HGF: variants seen among roughly 807,000 people sequenced by gnomAD.
HGF encodes fibroblast-derived tumor cytotoxic factor.
In HGF, 39 loss-of-function variants were observed where a neutral mutation model predicts 111.6. That is an observed-to-expected ratio of 0.35 (90% confidence interval 0.27 to 0.46). HGF has a LOEUF of 0.46. HGF is among the 20% of genes least tolerant of loss of function. HGF has a pLI of 1.00. For synonymous variants in HGF, 285 were observed against 294.8 expected (o/e 0.97, Z 0.34); for missense variants, 735 against 910.5 (o/e 0.81, Z 2.48).
chr7:81,744,859 G>A, intron 6 of HGF, 141 bp downstream of exon 6: 2 of 964,238 alleles, frequency 2.1e-6, no homozygotes, highest in South Asian at 1.5e-5. Flanking sequence ...AAGAACTCCT[G>A]AACATTCTGG....
chr7:81,748,887 A>T (rs933739093), intron 5 of HGF, among the ~76,000 whole-genome samples: 18 of 152,192 alleles, frequency 1.2e-4, no homozygotes, highest in African/African-American at 3.4e-4. Flanking sequence ...AACTTTAAAA[A>T]TGTGTTTCAT....
intron 7 of HGF, chr7:81,736,804 A>G: frequency 2.2e-6 from 1 of 454,212 alleles, no homozygotes; most frequent in South Asian, 1.6e-5. Context: ...AAGGTTAGAA[A>G]TATAGATAGG....
In HGF at chr7:81,702,481, C is replaced by T. The variant is rs1789307169; in HGVS notation, c.*100G>A. On this transcript the variant is annotated 3_prime_UTR_variant, in exon 18 of 18. Coordinates refer to ENST00000222390, the MANE Select transcript of HGF (RefSeq NM_000601.6). ...ACAAACATGACTCTCCAGTAGTTGT[C>T]TTAGGATTGTTGTAAGTGACATTTT... is the stretch of plus-strand genomic sequence containing the variant. 5.2e-6 allele frequency: 5 copies of T among 966,140 alleles called. No individual in the cohort carries two copies. Among genetic ancestry groups the T allele is most frequent in the East Asian group, 2.4e-5 (1 of 41,330 alleles). 59.8% of individuals were successfully genotyped at this position (966,140 alleles called of 1,614,324 possible). A position where few individuals can be genotyped will look rare whatever the true frequency, so the allele number is the denominator to read the frequency against.
chr7:81,739,315 G>A (rs990086001), intron 7 of HGF, among the ~76,000 whole-genome samples: 1 of 151,804 alleles, frequency 6.6e-6, no homozygotes, highest in Non-Finnish European at 1.5e-5. Context: ...ATTTTGTGTT[G>A]AATAGTCTTT....
chr7:81,730,926 T>C (rs1787633748), intron 7 of HGF, among the ~76,000 whole-genome samples: 1 of 152,228 alleles, frequency 6.6e-6, no homozygotes, highest in Non-Finnish European at 1.5e-5. Context: ...TGGAATTGGA[T>C]GTACCACTGT....
Position 81,717,238 on chromosome 7 carries a change from A to T in HGF, c.1399T>A (p.Ser467Thr). ...PLIPWDYCPI[S>T]RCEGDTTPTI... Reference sequence around the variant, plus strand: ...AATCCCTAACTGTACTTACAACGAGAAATAGGGCAATAATCCCAAGGAATG... The same window carrying T: ...AATCCCTAACTGTACTTACAACGAGTAATAGGGCAATAATCCCAAGGAATG... Residue 467 changes from serine to threonine, a missense_variant, in exon 11 of 18, where the codon TCT becomes ACT. Around this residue, in one of 3 missense-constraint regions of HGF, gnomAD observed 553 missense variants for 685.6 expected, o/e 0.81. Transcript: ENST00000222390. 6.2e-7 allele frequency: 1 copy of T among 1,613,564 alleles called. No individual in the cohort carries two copies. Among genetic ancestry groups the T allele is most frequent in the Non-Finnish European group, 8.5e-7 (1 of 1,179,556 alleles).
intron 6 of HGF, among the ~76,000 whole-genome samples, chr7:81,744,681 T>C (rs1270936887): frequency 6.6e-6 from 1 of 152,184 alleles, no homozygotes; most frequent in East Asian, 1.9e-4. Context: ...AGAAGCTTCT[T>C]TTTGTGCTTC....
intron 13 of HGF, among the ~76,000 whole-genome samples, chr7:81,709,729 A>G (rs767962079): frequency 6.6e-6 from 1 of 152,198 alleles, no homozygotes; most frequent in Non-Finnish European, 1.5e-5. Context: ...GTCAGAAATT[A>G]AAAACAAATA....
intron 7 of HGF, among the ~76,000 whole-genome samples, chr7:81,736,492 T>C (rs1453542848): frequency 6.6e-6 from 1 of 152,066 alleles, no homozygotes; most frequent in African/African-American, 2.4e-5. Context: ...TTGTTGTTAA[T>C]CTCTTATTGT....
chr7:81,730,527 A>C (rs974277194), intron 7 of HGF, among the ~76,000 whole-genome samples: 1 of 152,200 alleles, frequency 6.6e-6, no homozygotes, highest in Non-Finnish European at 1.5e-5. Flanking sequence ...TCTTGTTGAC[A>C]ATAAAGAAAA....
At chr7:81,755,740 A>G in intron 4 of HGF, 1 of 429,106 alleles carries the variant, frequency 2.3e-6, no homozygotes, top group South Asian at 3.4e-5. Context: ...AGAGGACAAA[A>G]CCAATTATAA....
Position 81,718,875 on chromosome 7 carries a change from C to T in HGF, c.1272-1510G>A, listed in dbSNP as rs181671001. Among the ~76,000 whole-genome samples, 321 of 152,276 alleles carry T rather than the reference C, an allele frequency of 2.1e-3. 1 individual carries two copies. The highest frequency in any genetic ancestry group is 7.4e-3 in the African/African-American group (309 of 41,566). Reference sequence around the variant, plus strand: ...ACAAGTCCATAAGAGCAATCCACCCCACCCACCACTGCATGTTTCTAAAAA... The same window carrying T: ...ACAAGTCCATAAGAGCAATCCACCCTACCCACCACTGCATGTTTCTAAAAA... On this transcript the variant is annotated intron_variant, in intron 10 of 17. Transcript: ENST00000222390.
chr7:81,722,591 T>C (rs1789892856), intron 9 of HGF, among the ~76,000 whole-genome samples: 2 of 150,944 alleles, frequency 1.3e-5, no homozygotes, highest in South Asian at 4.2e-4. Context: ...GGCAGGTGGA[T>C]CACTTGAGGT....
At chr7:81,760,033 C>A (rs186113059) in intron 2 of HGF, among the ~76,000 whole-genome samples, 47 of 152,270 alleles carry the variant, frequency 3.1e-4, no homozygotes, top group African/African-American at 1.1e-3. Flanking sequence ...TTCACTCTTT[C>A]TCTCGTTCCA....
At chr7:81,719,435 C>T (rs1157795185) in intron 10 of HGF, among the ~76,000 whole-genome samples, 2 of 152,146 alleles carry the variant, frequency 1.3e-5, no homozygotes, top group East Asian at 3.9e-4. Flanking sequence ...AATATAGTAG[C>T]CACTGGCCAC....
chr7:81,753,021 A>G (rs1223425508), intron 4 of HGF, among the ~76,000 whole-genome samples: 1 of 152,110 alleles, frequency 6.6e-6, no homozygotes, highest in African/African-American at 2.4e-5. Flanking sequence ...AATAAAGAAC[A>G]GAATTGCTTA....
intron 13 of HGF, among the ~76,000 whole-genome samples, chr7:81,709,244 C>T (rs1267009656): frequency 6.6e-6 from 1 of 152,000 alleles, no homozygotes; most frequent in African/African-American, 2.4e-5. Context: ...AGGAAGAAAG[C>T]CACAGTGTGT....
At chr7:81,713,345 T>G (rs1418119628) in intron 11 of HGF, among the ~76,000 whole-genome samples, 2 of 151,948 alleles carry the variant, frequency 1.3e-5, no homozygotes, top group African/African-American at 4.8e-5. Flanking sequence ...GCCAACACAG[T>G]GAAAACCTGG....
intron 9 of HGF, among the ~76,000 whole-genome samples, chr7:81,722,151 T>C (rs1308207110): frequency 6.6e-6 from 1 of 152,120 alleles, no homozygotes. Context: ...TGTTATTCAT[T>C]TTGATGCTCA....
Sources: gnomAD v4.1 joint callset for allele counts (sites outside exome capture counted in the v4.1 genomes callset) on GRCh38, gnomAD v4.1.1 for gene constraint, gnomAD v4.1.1 regional missense constraint, MANE v1.5 for transcripts, NCBI Gene and HGNC (gene_info 2026-07-23, HGNC 2026-07-21) for gene names.